The following MTA1 variants were observed in gnomAD, a reference collection of about 807,000 sequenced individuals.
MTA1 encodes the protein metastasis associated 1, also known as metastasis-associated protein MTA1.
MTA1 carries 15 observed loss-of-function variants against 97.0 expected under a neutral mutation model. The observed-to-expected ratio is 0.15, with a 90% confidence interval of 0.10 to 0.24. MTA1 has a LOEUF of 0.24. Ranked by LOEUF, MTA1 falls within the 10% of genes least tolerant of loss-of-function variation. The pLI is 1.00. For synonymous variants in MTA1, 435 were observed against 417.5 expected (o/e 1.04, Z -0.51); for missense variants, 709 against 1,015.1 (o/e 0.70, Z 4.10).
chr14:105,434,334 T>G (rs587719444), intron 1 of MTA1, among the ~76,000 whole-genome samples: 63 of 152,370 alleles, frequency 4.1e-4, no homozygotes, highest in East Asian at 2.3e-3. Flanking sequence ...TTTGTACTTT[T>G]CAGCATGTAG....
At chr14:105,430,182 C>G (rs1476480292) in intron 1 of MTA1, among the ~76,000 whole-genome samples, 2 of 152,170 alleles carry the variant, frequency 1.3e-5, no homozygotes, top group African/African-American at 4.8e-5. Context: ...TAAGCTTAGT[C>G]ATTTATTTCC....
rs1555432411 is a variant in MTA1, at chr14:105,465,178, A to G, written c.1619A>G (p.Tyr540Cys). ...AAGCCGCTGGAAGCCGTGCTTCGGT[A>G]TCTTGGTGAGCAGCCAGGCGTGCTG... ...VRKPLEAVLR[Y>C]LETHPRPPKP... Residue 540 changes from tyrosine to cysteine, a missense_variant, in exon 16 of 21, where the codon TAT becomes TGT. Tyr to Cys is a radical substitution (Grantham distance 194). Coordinates refer to ENST00000331320, the MANE Select transcript of MTA1 (RefSeq NM_004689.4). 1.6e-5 allele frequency: 24 copies of G among 1,517,748 alleles called. No individual in the cohort carries two copies. The highest frequency in any genetic ancestry group is 2.0e-5 in the Non-Finnish European group (23 of 1,125,518). 94.0% of individuals were successfully genotyped at this position (1,517,748 alleles called of 1,614,324 possible).
intron 1 of MTA1, among the ~76,000 whole-genome samples, chr14:105,434,919 G>C (rs146234596): frequency 5.3e-4 from 80 of 152,288 alleles, no homozygotes; most frequent in African/African-American, 1.9e-3. Context: ...CATCATCTGC[G>C]TATAGAAAGT....
intron 1 of MTA1, among the ~76,000 whole-genome samples, chr14:105,428,636 G>A (rs1300498130): frequency 6.6e-6 from 1 of 152,030 alleles, no homozygotes; most frequent in East Asian, 1.9e-4. Flanking sequence ...AAATTGTTTA[G>A]CCTGTTCTGG....
intron 7 of MTA1, among the ~76,000 whole-genome samples, chr14:105,457,474 C>T (rs1238948392): frequency 3.3e-5 from 5 of 152,250 alleles, no homozygotes; most frequent in Admixed American, 1.3e-4. Context: ...CCGGCTCTGG[C>T]TGTGCCAGGC....
Position 105,470,538 on chromosome 14 carries a change from G to A in MTA1, c.*323G>A. 1 of 295,706 alleles carries A rather than the reference G, an allele frequency of 3.4e-6. No individual in the cohort carries two copies. The highest frequency in any genetic ancestry group is 6.2e-6 in the Non-Finnish European group (1 of 162,350). 18.3% of individuals were successfully genotyped at this position (295,706 alleles called of 1,614,324 possible). A position where few individuals can be genotyped will look rare whatever the true frequency, so the allele number is the denominator to read the frequency against. On this transcript the variant is annotated 3_prime_UTR_variant, in exon 21 of 21. Transcript: ENST00000331320. ...GGTTTTGTTGTGTTCTGTTGAAGGT[G>A]CCATTTTAAATTTTATTTTTATTAC...
At chr14:105,453,399 TACTTGGA>T (rs1369873354) in intron 6 of MTA1, among the ~76,000 whole-genome samples, 4 of 152,212 alleles carry the variant, frequency 2.6e-5, no homozygotes, top group Non-Finnish European at 5.9e-5. Context: ...TAGTCTCAAC[TACTTGGA>T]GGCTGAGGTG....
intron 1 of MTA1, among the ~76,000 whole-genome samples, chr14:105,435,461 A>T (rs2082300456): frequency 6.6e-6 from 1 of 151,484 alleles, no homozygotes; most frequent in Non-Finnish European, 1.5e-5. Flanking sequence ...ATTAAAAATA[A>T]TTTTTTTTTA....
At chr14:105,437,443 G>A (rs1168701879) in intron 1 of MTA1, among the ~76,000 whole-genome samples, 6 of 151,214 alleles carry the variant, frequency 4.0e-5, no homozygotes, top group South Asian at 2.1e-4. Context: ...GTGTCCTCAC[G>A]GGCATGAGCC....
At chr14:105,430,633 A>C (rs587653734) in intron 1 of MTA1, among the ~76,000 whole-genome samples, 1 of 152,320 alleles carries the variant, frequency 6.6e-6, no homozygotes, top group East Asian at 1.9e-4. Context: ...CAATACCTGC[A>C]AAGCATCATC....
intron 3 of MTA1, among the ~76,000 whole-genome samples, chr14:105,446,655 G>A (rs747224124): frequency 1.5e-4 from 23 of 152,372 alleles, no homozygotes; most frequent in Admixed American, 3.9e-4. Flanking sequence ...GGCCAGGGCA[G>A]GCGCTTGTGG....
intron 2 of MTA1, 107 bp from the exon 3 acceptor site, chr14:105,445,311 A>T: frequency 2.1e-6 from 2 of 945,136 alleles, no homozygotes; most frequent in Non-Finnish European, 3.3e-6. Context: ...TGGTGTGGTT[A>T]CACCTGCAGT....
At chr14:105,453,751 C>T (rs1163548041) in intron 6 of MTA1, among the ~76,000 whole-genome samples, 1 of 152,166 alleles carries the variant, frequency 6.6e-6, no homozygotes, top group Non-Finnish European at 1.5e-5. Flanking sequence ...ACGGAGGTTG[C>T]AGTGAGCCGA....
chr14:105,468,162 C>T (rs1258983862), intron 18 of MTA1: 3 of 480,960 alleles, frequency 6.2e-6, no homozygotes, highest in African/African-American at 2.0e-5. Flanking sequence ...TAGGCATGAG[C>T]TGAGCTCGAG....
At chr14:105,450,610 G>T (rs1555428459) in intron 6 of MTA1, among the ~76,000 whole-genome samples, 1 of 152,178 alleles carries the variant, frequency 6.6e-6, no homozygotes, top group African/African-American at 2.4e-5. Flanking sequence ...CCTGGGGAGG[G>T]TGTGGCTGAG....
At chr14:105,431,093 A>G (rs587636294) in intron 1 of MTA1, among the ~76,000 whole-genome samples, 5 of 152,284 alleles carry the variant, frequency 3.3e-5, no homozygotes, top group Admixed American at 2.6e-4. Flanking sequence ...ATTTAACCCA[A>G]TTTTGACACT....
intron 1 of MTA1, among the ~76,000 whole-genome samples, chr14:105,427,510 T>A (rs2082048376): frequency 1.3e-5 from 2 of 152,158 alleles, no homozygotes; most frequent in African/African-American, 4.8e-5. Context: ...CGGAGAACAA[T>A]AATAATTATA....
intron 2 of MTA1, among the ~76,000 whole-genome samples, chr14:105,444,789 TTA>T (rs869253251): frequency 0.041 from 5,897 of 145,164 alleles, 389 homozygotes; most frequent in African/African-American, 0.15. Flanking sequence ...AGACCCCATC[TTA>T]AAAAAAAAAA....
chr14:105,469,928 C>G lies in MTA1; in HGVS notation c.1933C>G (p.Arg645Gly). 2 of 1,612,136 alleles carry G rather than the reference C, an allele frequency of 1.2e-6. No homozygotes were observed. Among genetic ancestry groups the G allele is most frequent in the East Asian group, 2.2e-5 (1 of 44,848 alleles). The part of the protein sequence containing the change: ...IRGGSLPPVK[R>G]RRMNWIDAPD... ...GGGGGGCTCCCTGCCCCCAGTCAAG[C>G]GGCGGCGGATGAACTGGATCGACGC... is the stretch of plus-strand genomic sequence containing the variant. The change falls in exon 20 of 21, where the codon CGG becomes GGG. Residue 645 changes from arginine (R) to glycine (G), a missense_variant. Around this residue, in one of 2 missense-constraint regions of MTA1, gnomAD observed 388 missense variants for 421.6 expected, o/e 0.92. Coordinates refer to ENST00000331320, the MANE Select transcript of MTA1 (RefSeq NM_004689.4).
Sources: gnomAD v4.1 joint callset for allele counts (sites outside exome capture counted in the v4.1 genomes callset) on GRCh38, gnomAD v4.1.1 for gene constraint, gnomAD v4.1.1 regional missense constraint, MANE v1.5 for transcripts, NCBI Gene and HGNC (gene_info 2026-07-23, HGNC 2026-07-21) for gene names.